The following ELOVL6 variants were observed in gnomAD, a reference collection of about 807,000 sequenced individuals.
ELOVL6 encodes ELOVL fatty acid elongase 6.
Under a neutral mutation model 31.7 loss-of-function variants are expected in ELOVL6, and 8 were observed. The ratio of observed to expected loss-of-function variants is 0.25; its 90% CI spans 0.15 to 0.45. ELOVL6 has a LOEUF of 0.45. Among genes scored for constraint, ELOVL6 ranks in the 20% least tolerant of loss-of-function variants. The probability of loss-of-function intolerance (pLI) is 1.00; values close to 1 mark genes in which losing one functional copy is unlikely to be tolerated. For missense variants in ELOVL6, 126 were observed against 326.4 expected (o/e 0.39, Z 4.73); for synonymous variants, 101 against 117.7 (o/e 0.86, Z 0.92).
Position 110,198,581 on chromosome 4 carries a change from A to T in ELOVL6, c.-246T>A. Reference sequence around the variant, plus strand: ...TCTCCTCCTCCCGGCGTCCGCATCCACCGTAGGAGGAAATGAATGCCTTGC... The same window carrying T: ...TCTCCTCCTCCCGGCGTCCGCATCCTCCGTAGGAGGAAATGAATGCCTTGC... On this transcript the variant is annotated 5_prime_UTR_variant, in exon 1 of 4. Transcript: ENST00000302274. The T allele has an allele frequency of 2.2e-6, 1 of 458,006 alleles. No homozygotes were observed. The highest frequency in any genetic ancestry group is 3.7e-5 in the East Asian group (1 of 27,042). 28.4% of individuals were successfully genotyped at this position (458,006 alleles called of 1,614,324 possible). A position where few individuals can be genotyped will look rare whatever the true frequency, so the allele number is the denominator to read the frequency against.
In ELOVL6 at chr4:110,049,379, C is replaced by T. The variant is rs930075769; in HGVS notation, c.*1959G>A. 1 of 152,552 alleles carries T rather than the reference C, an allele frequency of 6.6e-6. No individual in the cohort carries two copies. The highest frequency in any genetic ancestry group is 1.5e-5 in the Non-Finnish European group (1 of 68,036). The allele number at this position is 152,552 out of a possible 1,614,324, so 9.4% of individuals were successfully genotyped here. A position where few individuals can be genotyped will look rare whatever the true frequency, so the allele number is the denominator to read the frequency against. On this transcript the variant is annotated 3_prime_UTR_variant, in exon 4 of 4. Coordinates refer to ENST00000302274, the MANE Select transcript of ELOVL6 (RefSeq NM_024090.3). ...TGGATTCTTTGTTCACTGCTCAAAC[C>T]ATTCACACAGAATGGAATAAAACTT... is the stretch of plus-strand genomic sequence containing the variant.
At chr4:110,180,626 C>G (rs751649292) in intron 1 of ELOVL6, among the ~76,000 whole-genome samples, 6 of 152,190 alleles carry the variant, frequency 3.9e-5, no homozygotes, top group Non-Finnish European at 7.3e-5. Flanking sequence ...TGGTCTCAAA[C>G]TCCTGGAATC....
intron 1 of ELOVL6, among the ~76,000 whole-genome samples, chr4:110,116,847 TAGC>T (rs1391420508): frequency 6.6e-6 from 1 of 152,258 alleles, no homozygotes; most frequent in African/African-American, 2.4e-5. Flanking sequence ...GATGGCCTGC[TAGC>T]AGCAGCATTT....
chr4:110,063,095 G>A (rs1755191912), intron 2 of ELOVL6, among the ~76,000 whole-genome samples: 2 of 151,996 alleles, frequency 1.3e-5, no homozygotes, highest in South Asian at 2.1e-4. Context: ...CACCTTCCTC[G>A]CTGATCTTAT....
At chr4:110,177,643 A>G (rs1759148788) in intron 1 of ELOVL6, among the ~76,000 whole-genome samples, 1 of 152,092 alleles carries the variant, frequency 6.6e-6, no homozygotes, top group East Asian at 1.9e-4. Context: ...ACCATGAAGA[A>G]AAAACTATTG....
intron 2 of ELOVL6, among the ~76,000 whole-genome samples, chr4:110,085,494 C>G (rs1578469959): frequency 6.6e-6 from 1 of 152,114 alleles, no homozygotes; most frequent in South Asian, 2.1e-4. Context: ...CAGTGTGATA[C>G]CTGTCTGGAG....
At chr4:110,137,674 G>T (rs927368333) in intron 1 of ELOVL6, among the ~76,000 whole-genome samples, 1 of 152,098 alleles carries the variant, frequency 6.6e-6, no homozygotes, top group Non-Finnish European at 1.5e-5. Context: ...AACAATAATA[G>T]TAATGATAGG....
chr4:110,198,456 GC>G lies in ELOVL6; in HGVS notation c.-122del. ...ACCCACCCCCCTAGGTCTTCCCCAC[GC>G]CGCTCGGTCTCCAGCGGTCGTCTCT... On this transcript the variant is annotated 5_prime_UTR_variant, in exon 1 of 4. Transcript: ENST00000302274. The G allele has an allele frequency of 1.8e-6, 1 of 570,400 alleles. No individual in the cohort carries two copies. Among genetic ancestry groups the G allele is most frequent in the Non-Finnish European group, 3.0e-6 (1 of 335,172 alleles). 35.3% of individuals were successfully genotyped at this position (570,400 alleles called of 1,614,324 possible). A position where few individuals can be genotyped will look rare whatever the true frequency, so the allele number is the denominator to read the frequency against.
chr4:110,089,205 C>T (rs1269590457), intron 2 of ELOVL6, among the ~76,000 whole-genome samples: 1 of 152,200 alleles, frequency 6.6e-6, no homozygotes, highest in Admixed American at 6.5e-5. Context: ...AATAGAAGCT[C>T]TGTCTTCTCT....
intron 2 of ELOVL6, among the ~76,000 whole-genome samples, chr4:110,078,438 C>A (rs1250853431): frequency 1.3e-5 from 2 of 152,204 alleles, no homozygotes; most frequent in African/African-American, 4.8e-5. Context: ...CAATATTCAA[C>A]ATTCTTAAAG....
At chr4:110,126,185 A>G (rs563454115) in intron 1 of ELOVL6, among the ~76,000 whole-genome samples, 63 of 152,210 alleles carry the variant, frequency 4.1e-4, no homozygotes, top group Middle Eastern at 3.4e-3. Flanking sequence ...CTAGGACTAC[A>G]GGCATGTACC....
chr4:110,073,183 T>C (rs971800394), intron 2 of ELOVL6, among the ~76,000 whole-genome samples: 2 of 152,180 alleles, frequency 1.3e-5, no homozygotes, highest in African/African-American at 2.4e-5. Context: ...ATGTATACCT[T>C]TATCATCTCC....
rs538781584 is a variant in ELOVL6 at position 110,193,357 on chromosome 4, C to T, written c.89+4890G>A. ...CAGTGGCTCAAGCCTGTTATCTCAG[C>T]ACTTTCGGAGGCCGAGGTGGGCGGA... On this transcript the variant is annotated intron_variant, in intron 1 of 3. Transcript: ENST00000302274. Among the ~76,000 whole-genome samples, 2 of 152,284 alleles carry T rather than the reference C, an allele frequency of 1.3e-5. 1 individual carries two copies. The highest frequency in any genetic ancestry group is 4.8e-5 in the African/African-American group (2 of 41,552).
intron 2 of ELOVL6, among the ~76,000 whole-genome samples, chr4:110,071,236 A>G (rs959072636): frequency 1.3e-5 from 2 of 152,156 alleles, no homozygotes; most frequent in African/African-American, 4.8e-5. Flanking sequence ...CATCTTTACA[A>G]TCTTTTAAAG....
chr4:110,047,985 C>T lies in ELOVL6; in HGVS notation c.*3353G>A, dbSNP rs1431163463. On this transcript the variant is annotated 3_prime_UTR_variant, in exon 4 of 4. Transcript: ENST00000302274. ...TCTTTCCCATCAATTCTACAAAACC[C>T]ACTCATATGAAGTTTCTAACTCAGT... is the stretch of plus-strand genomic sequence containing the variant. 6.6e-6 allele frequency: 1 copy of T among 151,792 alleles called. No homozygotes were observed. The highest frequency in any genetic ancestry group is 1.5e-5 in the Non-Finnish European group (1 of 67,988). 9.4% of individuals were successfully genotyped at this position (151,792 alleles called of 1,614,324 possible).
chr4:110,097,049 T>A (rs1250292655), intron 2 of ELOVL6, among the ~76,000 whole-genome samples: 3 of 152,096 alleles, frequency 2.0e-5, no homozygotes, highest in African/African-American at 4.8e-5. Flanking sequence ...GGCTCACCCC[T>A]GTAATCTCAG....
chr4:110,173,234 T>C (rs1759005466), intron 1 of ELOVL6, among the ~76,000 whole-genome samples: 1 of 152,196 alleles, frequency 6.6e-6, no homozygotes, highest in Non-Finnish European at 1.5e-5. Flanking sequence ...GAACTCAGGC[T>C]GTCAAGGCAC....
At chr4:110,196,911 G>C (rs938301920) in intron 1 of ELOVL6, among the ~76,000 whole-genome samples, 5 of 152,168 alleles carry the variant, frequency 3.3e-5, no homozygotes, top group African/African-American at 1.2e-4. Context: ...CGGCGGCCGG[G>C]CCTCCCGACA....
intron 1 of ELOVL6, among the ~76,000 whole-genome samples, chr4:110,140,171 G>A (rs1012352391): frequency 1.3e-5 from 2 of 152,170 alleles, no homozygotes; most frequent in African/African-American, 4.8e-5. Flanking sequence ...TTGACTTTGT[G>A]TTTCACAGTA....
Sources: allele counts gnomAD v4.1 joint callset (sites outside exome capture counted in the v4.1 genomes callset), GRCh38; gene constraint gnomAD v4.1.1; transcripts MANE v1.5; gene names NCBI Gene and HGNC (gene_info 2026-07-23, HGNC 2026-07-21).